Variants in SAMD4A observed in about 807,000 individuals in gnomAD.
SAMD4A encodes the protein sterile alpha motif domain containing 4A, also known as protein Smaug homolog 1.
Under a neutral mutation model 81.3 loss-of-function variants are expected in SAMD4A, and 33 were observed. The observed-to-expected ratio is 0.41, with a 90% CI of 0.31 to 0.54. SAMD4A has a LOEUF of 0.54. Among genes scored for constraint, SAMD4A ranks in the 20% least tolerant of loss-of-function variants. The pLI is 0.37. For synonymous variants in SAMD4A, 389 were observed against 382.1 expected (o/e 1.02, Z -0.21); for missense variants, 854 against 951.1 (o/e 0.90, Z 1.34).
chr14:54,645,647 C>G (rs1406358977), intron 2 of SAMD4A, among the ~76,000 whole-genome samples: 2 of 152,148 alleles, frequency 1.3e-5, no homozygotes, highest in Admixed American at 6.6e-5. Context: ...ATATAACTGT[C>G]AACATTATGG....
intron 2 of SAMD4A, among the ~76,000 whole-genome samples, chr14:54,663,497 A>G (rs543233723): frequency 6.6e-6 from 1 of 152,342 alleles, no homozygotes; most frequent in South Asian, 2.1e-4. Context: ...TCCGTCAGGT[A>G]AGTATACATT....
rs3049831 is a variant in SAMD4A at position 54,602,797 on chromosome 14, T to TA, written c.196+34697dup. Among the ~76,000 whole-genome samples, 582 of 148,924 alleles carry TA rather than the reference T, an allele frequency of 3.9e-3. 2 individuals are homozygous for TA. Among genetic ancestry groups the TA allele is most frequent in the East Asian group, 7.1e-3 (36 of 5,088 alleles). On this transcript the variant is annotated intron_variant, in intron 2 of 12. Coordinates refer to ENST00000554335, the MANE Select transcript of SAMD4A (RefSeq NM_015589.6). ...TGTACCCTAGAACTTAAAGTATAAT[T>TA]AAAAAAAAAAAAGACATTCGCCTTC...
chr14:54,565,725 A>G (rs2032908988), upstream of SAMD4A, among the ~76,000 whole-genome samples: 1 of 151,762 alleles, frequency 6.6e-6, no homozygotes, highest in Non-Finnish European at 1.5e-5. This position sits in a 1 kb window ranked among gnomAD's most constrained non-coding sequence, Gnocchi z 5.4. Context: ...CCCCCGCCCG[A>G]GCGCCCTCGG....
At chr14:54,677,988 C>T (rs2140549871) in intron 2 of SAMD4A, among the ~76,000 whole-genome samples, 2 of 152,312 alleles carry the variant, frequency 1.3e-5, no homozygotes, top group Admixed American at 6.5e-5. Flanking sequence ...TCTTTCCCAA[C>T]ACTAGGTTCG....
At chr14:54,651,596 T>C (rs894821459) in intron 2 of SAMD4A, among the ~76,000 whole-genome samples, 2 of 152,194 alleles carry the variant, frequency 1.3e-5, no homozygotes, top group African/African-American at 4.8e-5. Flanking sequence ...TACTAGTAAA[T>C]ATGCACTACC....
chr14:54,785,481 GAC>G (rs2039115696), intron 12 of SAMD4A, among the ~76,000 whole-genome samples: 1 of 152,232 alleles, frequency 6.6e-6, no homozygotes, highest in Non-Finnish European at 1.5e-5. Context: ...GTGCCACAGA[GAC>G]ACAGAGAGGC....
rs1172084217 is a variant in SAMD4A, at chr14:54,637,365, C to CAAAA, written c.197-64678_197-64675dup. 7.5e-3 allele frequency among the ~76,000 whole-genome samples: 478 copies of CAAAA among 63,590 alleles called. 50 individuals carry two copies. Among genetic ancestry groups the CAAAA allele is most frequent in the African/African-American group, 0.023 (329 of 14,166 alleles). 41.7% of individuals were successfully genotyped at this position (63,590 alleles called of 152,430 possible). A position where few individuals can be genotyped will look rare whatever the true frequency, so the allele number is the denominator to read the frequency against. On this transcript the variant is annotated intron_variant, in intron 2 of 12. Coordinates refer to ENST00000554335, the MANE Select transcript of SAMD4A (RefSeq NM_015589.6). ...GGGCAACAAGAGCGAAACTCCATCT[C>CAAAA]AAAAAAAAAAAAAAAAAAAAAAGAG...
intron 2 of SAMD4A, among the ~76,000 whole-genome samples, chr14:54,659,496 G>T (rs78243846): frequency 0.019 from 2,826 of 152,198 alleles, 73 homozygotes; most frequent in African/African-American, 0.057. Context: ...GAGGGATTTT[G>T]ATTATTTGTT....
At chr14:54,674,864 T>A (rs748952071) in intron 2 of SAMD4A, among the ~76,000 whole-genome samples, 11 of 152,186 alleles carry the variant, frequency 7.2e-5, no homozygotes, top group Non-Finnish European at 1.6e-4. Context: ...TCCTCCCACC[T>A]CAGCCTCTTG....
chr14:54,668,276 C>T (rs77831861), intron 2 of SAMD4A, among the ~76,000 whole-genome samples: 4,457 of 152,248 alleles, frequency 0.029, 116 homozygotes, highest in Middle Eastern at 0.099. Context: ...AAGCCATCCT[C>T]GAGGGCCGAG....
At chr14:54,682,024 T>C (rs1270907060) in intron 2 of SAMD4A, 1 of 985,108 alleles carries the variant, frequency 1.0e-6, no homozygotes, top group East Asian at 1.1e-4. Context: ...CCTTACAGAG[T>C]GTTAAGGATG....
intron 2 of SAMD4A, among the ~76,000 whole-genome samples, chr14:54,649,092 A>G (rs2035348827): frequency 6.6e-6 from 1 of 152,170 alleles, no homozygotes. Context: ...CTGAGATGGG[A>G]ACACTGAATG....
intron 7 of SAMD4A, among the ~76,000 whole-genome samples, chr14:54,761,297 G>A (rs1258428157): frequency 6.6e-6 from 1 of 152,182 alleles, no homozygotes; most frequent in Non-Finnish European, 1.5e-5. Context: ...TTTGAACCCT[G>A]CAGTCTCTCC....
In SAMD4A at chr14:54,760,455, G is replaced by T; in HGVS notation, c.1471G>T (p.Gly491Trp). 1 of 1,426,932 alleles carries T rather than the reference G, an allele frequency of 7.0e-7. No homozygotes were observed. The allele number at this position is 1,426,932 out of a possible 1,614,324, so 88.4% of individuals were successfully genotyped here. A position where few individuals can be genotyped will look rare whatever the true frequency, so the allele number is the denominator to read the frequency against. The change falls in exon 7 of 13, where the codon GGG becomes TGG. Residue 491 changes from glycine (G) to tryptophan (W), a missense_variant. Transcript: ENST00000554335. Reference protein sequence around the residue: ...GELAVAPLPEGDLPGQFTRVM... With the variant: ...GELAVAPLPEWDLPGQFTRVM... Reference sequence around the variant, plus strand: ...GCTGGCCGTCGCCCCCCTGCCAGAGGGGGACCTCCCCGGGCAGTTCACACG... The same window carrying T: ...GCTGGCCGTCGCCCCCCTGCCAGAGTGGGACCTCCCCGGGCAGTTCACACG...
At chr14:54,606,212 TGCGTGCAC>T (rs1310371252) in intron 2 of SAMD4A, among the ~76,000 whole-genome samples, 1 of 150,254 alleles carries the variant, frequency 6.7e-6, no homozygotes, top group Non-Finnish European at 1.5e-5. Context: ...TGTGTGTGTG[TGCGTGCAC>T]GTGCACGTGC....
chr14:54,680,472 T>C (rs2036101542), intron 2 of SAMD4A, among the ~76,000 whole-genome samples: 1 of 152,238 alleles, frequency 6.6e-6, no homozygotes, highest in South Asian at 2.1e-4. Context: ...ATTGGGGCTA[T>C]TCTTTTCCTG....
intron 2 of SAMD4A, among the ~76,000 whole-genome samples, chr14:54,640,356 T>C (rs1409811563): frequency 2.0e-5 from 3 of 152,164 alleles, no homozygotes; most frequent in Non-Finnish European, 2.9e-5. Context: ...GTTTGGGATA[T>C]AAGAGGTCCC....
chr14:54,643,240 A>C (rs1373012442), intron 2 of SAMD4A, among the ~76,000 whole-genome samples: 7 of 152,224 alleles, frequency 4.6e-5, no homozygotes, highest in African/African-American at 1.7e-4. Context: ...ACAGAAAAGC[A>C]TACACCTTTC....
At chr14:54,736,885 G>C in intron 3 of SAMD4A, 139 bp from the exon 4 acceptor site, 1 of 972,594 alleles carries the variant, frequency 1.0e-6, no homozygotes, top group Non-Finnish European at 1.5e-6. Flanking sequence ...TGCCAGGCCT[G>C]TATTCAACCT....
Sources: allele counts gnomAD v4.1 joint callset (sites outside exome capture counted in the v4.1 genomes callset), GRCh38; gene constraint gnomAD v4.1.1; non-coding constraint Gnocchi (gnomAD v3.1); transcripts MANE v1.5; gene names NCBI Gene and HGNC (gene_info 2026-07-23, HGNC 2026-07-21).